The following PRKCH variants were observed in gnomAD, a reference collection of about 807,000 sequenced individuals.
PRKCH encodes the protein protein kinase C eta type.
A neutral mutation model predicts 82.5 loss-of-function variants in PRKCH; 28 were observed. The ratio of observed to expected loss-of-function variants is 0.34; its 90% CI spans 0.25 to 0.47. The LOEUF is 0.47. Ranked by LOEUF, PRKCH falls within the 20% of genes least tolerant of loss-of-function variation. The probability of loss-of-function intolerance (pLI) is 1.00; values close to 1 mark genes in which losing one functional copy is unlikely to be tolerated. For missense variants in PRKCH, 705 were observed against 881.8 expected, an observed-to-expected ratio of 0.80 and a Z score of 2.54; for synonymous variants, 322 against 327.4, an observed-to-expected ratio of 0.98 and a Z score of 0.18.
At chr14:61,427,477 C>G (rs959486992) in intron 2 of PRKCH, among the ~76,000 whole-genome samples, 1 of 152,118 alleles carries the variant, frequency 6.6e-6, no homozygotes, top group Admixed American at 6.5e-5. Context: ...TAAAGAGATT[C>G]TTTACGGATG....
chr14:61,334,747 G>A (rs1363975582), intron 1 of PRKCH, among the ~76,000 whole-genome samples: 2 of 152,156 alleles, frequency 1.3e-5, no homozygotes, highest in Non-Finnish European at 2.9e-5. Context: ...TTGGAAAATG[G>A]TGCTAATGTT....
intron 9 of PRKCH, among the ~76,000 whole-genome samples, chr14:61,484,291 C>CTTTTTTTTT (rs71449556): frequency 1.5e-4 from 13 of 86,378 alleles, no homozygotes; most frequent in Non-Finnish European, 2.1e-4. Context: ...GCTTGTGTCA[C>CTTTTTTTTT]TTTTTTTTTT....
At chr14:61,267,453 C>T (rs546188249) in intron 1 of PRKCH, among the ~76,000 whole-genome samples, 95 of 152,278 alleles carry the variant, frequency 6.2e-4, no homozygotes, top group South Asian at 2.5e-3. Flanking sequence ...GGGCTTCAGA[C>T]GAACTACATG....
chr14:61,226,648 G>A (rs2044698446), intron 1 of PRKCH, among the ~76,000 whole-genome samples: 1 of 152,238 alleles, frequency 6.6e-6, no homozygotes, highest in Non-Finnish European at 1.5e-5. Context: ...TTTCCACAAA[G>A]CATTGTATTT....
At chr14:61,422,604 G>T (rs192396253) in intron 2 of PRKCH, among the ~76,000 whole-genome samples, 1 of 152,258 alleles carries the variant, frequency 6.6e-6, no homozygotes, top group Admixed American at 6.5e-5. Context: ...GGCACCATCG[G>T]GGGTCCCTCT....
intron 1 of PRKCH, among the ~76,000 whole-genome samples, chr14:61,220,310 C>T (rs987321327): frequency 3.9e-5 from 6 of 152,140 alleles, no homozygotes; most frequent in African/African-American, 1.4e-4. Context: ...TTGATCACCT[C>T]GGCCAGAGCT....
intron 1 of PRKCH, among the ~76,000 whole-genome samples, chr14:61,201,173 A>G (rs926673675): frequency 4.6e-5 from 7 of 152,198 alleles, no homozygotes; most frequent in African/African-American, 1.7e-4. Context: ...CACGTGACCT[A>G]ATAATAATAA....
At chr14:61,314,922 A>G (rs1280745101) in intron 1 of PRKCH, among the ~76,000 whole-genome samples, 1 of 152,068 alleles carries the variant, frequency 6.6e-6, no homozygotes, top group Non-Finnish European at 1.5e-5. Flanking sequence ...CAAGTCATTG[A>G]AGATCTTTCC....
chr14:61,224,438 C>A (rs992014731), intron 1 of PRKCH, among the ~76,000 whole-genome samples: 5 of 152,048 alleles, frequency 3.3e-5, no homozygotes. Context: ...GGTCTAGGAC[C>A]CCATCTGAGA....
chr14:61,340,012 A>G (rs2140137070), intron 1 of PRKCH, among the ~76,000 whole-genome samples: 1 of 151,880 alleles, frequency 6.6e-6, no homozygotes, highest in Middle Eastern at 3.4e-3. Flanking sequence ...ACATACCCAA[A>G]TCTTTCTGAG....
intron 2 of PRKCH, among the ~76,000 whole-genome samples, chr14:61,415,005 T>C (rs1882479694): frequency 6.6e-6 from 1 of 152,118 alleles, no homozygotes; most frequent in Admixed American, 6.6e-5. Context: ...GCAGGGACAC[T>C]CTCAGTGGTT....
chr14:61,475,245 C>T (rs1885678870), intron 9 of PRKCH, among the ~76,000 whole-genome samples: 1 of 152,208 alleles, frequency 6.6e-6, no homozygotes, highest in Non-Finnish European at 1.5e-5. Flanking sequence ...AAGAGAATTT[C>T]ACTATGTGAA....
At chr14:61,259,284 G>A (rs995239086) in intron 1 of PRKCH, among the ~76,000 whole-genome samples, 2 of 152,184 alleles carry the variant, frequency 1.3e-5, no homozygotes, top group Non-Finnish European at 2.9e-5. Flanking sequence ...AGTGACAATT[G>A]TTTGCAGCTG....
intron 1 of PRKCH, among the ~76,000 whole-genome samples, chr14:61,216,598 A>C (rs987337190): frequency 6.6e-6 from 1 of 152,196 alleles, no homozygotes; most frequent in African/African-American, 2.4e-5. Context: ...GAGCCCAGCA[A>C]ATTTCACCTC....
In PRKCH at chr14:61,280,293, G is replaced by A. The variant is rs753358273; in HGVS notation, c.-19+92625G>A. ...GCACCGGGTAGTTGTAGGTGATGTT[G>A]ACGCGGTAGGCGCCCCGCGGCAGCC... On this transcript the variant is annotated intron_variant, in intron 1 of 3. Transcript: ENST00000555185. The surrounding 1 kb of genome is among the most constrained non-coding windows in gnomAD (Gnocchi z 5.0). 4 of 1,613,936 alleles carry A rather than the reference G, an allele frequency of 2.5e-6. No individual in the cohort carries two copies. In the South Asian group the frequency reaches 3.3e-5, roughly 13 times the overall value.
chr14:61,242,049 A>G (rs2044844010), intron 1 of PRKCH, among the ~76,000 whole-genome samples: 2 of 152,220 alleles, frequency 1.3e-5, no homozygotes, highest in South Asian at 2.1e-4. Context: ...TATAATATGA[A>G]TTAGGGGAAA....
At chr14:61,415,644 T>G (rs1882510300) in intron 2 of PRKCH, among the ~76,000 whole-genome samples, 1 of 152,202 alleles carries the variant, frequency 6.6e-6, no homozygotes, top group Admixed American at 6.5e-5. Context: ...TCCATATCTT[T>G]CCTGTCACCT....
At chr14:61,320,851 T>A (rs1057491390), upstream of PRKCH, among the ~76,000 whole-genome samples, 3 of 152,320 alleles carry the variant, frequency 2.0e-5, no homozygotes, top group East Asian at 1.9e-4. Flanking sequence ...GGACAGCCTG[T>A]GTGTGTGAAC....
chr14:61,541,075 C>A (rs534007533), intron 12 of PRKCH, among the ~76,000 whole-genome samples: 128 of 152,368 alleles, frequency 8.4e-4, no homozygotes, highest in African/African-American at 2.7e-3. Context: ...ATGCCAGGTC[C>A]AAGCCTGGTG....
Sources: allele counts gnomAD v4.1 joint callset (sites outside exome capture counted in the v4.1 genomes callset), GRCh38; gene constraint gnomAD v4.1.1; non-coding constraint Gnocchi (gnomAD v3.1); transcripts MANE v1.5; gene names NCBI Gene and HGNC (gene_info 2026-07-23, HGNC 2026-07-21).